Variants in STPG2 observed in about 807,000 individuals in gnomAD.
The protein encoded by STPG2 is sperm tail PG-rich repeat containing 2.
STPG2 carries 56 observed loss-of-function variants against 54.2 expected under a neutral mutation model. The ratio of observed to expected loss-of-function variants is 1.03; its 90% confidence interval spans 0.83 to 1.29. The LOEUF (loss-of-function observed/expected upper bound fraction) is 1.29. Ranked by LOEUF, STPG2 falls within the 50% of genes most tolerant of loss-of-function variation. STPG2 has a pLI of 0.00. For missense variants in STPG2, 596 were observed against 544.9 expected, an observed-to-expected ratio of 1.09 and a Z score of -0.93; for synonymous variants, 200 against 181.8, an observed-to-expected ratio of 1.10 and a Z score of -0.81.
At chr4:98,090,426 A>G (rs1738650838) in intron 5 of STPG2, among the ~76,000 whole-genome samples, 1 of 152,060 alleles carries the variant, frequency 6.6e-6, no homozygotes, top group African/African-American at 2.4e-5. Flanking sequence ...CTATTTTTAT[A>G]CTGGTACCAT....
chr4:97,892,487 C>T (rs992648102), intron 8 of STPG2, among the ~76,000 whole-genome samples: 1 of 152,066 alleles, frequency 6.6e-6, no homozygotes, highest in African/African-American at 2.4e-5. Flanking sequence ...TTATCACTTC[C>T]CTAATCTCCA....
At chr4:97,821,595 C>G (rs1728093374) in intron 9 of STPG2, among the ~76,000 whole-genome samples, 1 of 152,246 alleles carries the variant, frequency 6.6e-6, no homozygotes, top group Non-Finnish European at 1.5e-5. Context: ...TGTGAGGGCT[C>G]CACCCTTATA....
At chr4:98,020,408 G>T (rs1456450269) in intron 5 of STPG2, among the ~76,000 whole-genome samples, 1 of 146,424 alleles carries the variant, frequency 6.8e-6, no homozygotes. Context: ...TGTGCTGCTG[G>T]ATTCGGTTTG....
intron 5 of STPG2, among the ~76,000 whole-genome samples, chr4:98,091,898 T>C (rs75701709): frequency 0.012 from 1,782 of 152,116 alleles, 29 homozygotes; most frequent in African/African-American, 0.041. Context: ...ACACCTAGTA[T>C]GTGATGGAGC....
rs1309706017 is a variant in STPG2 at position 97,880,021 on chromosome 4, C to T, written c.1045-39089G>A. ...TGCCCATGCTTTTTGCAGCATTATT[C>T]ACAATAGCTAAATTATGGACCCAAC... On this transcript the variant is annotated intron_variant, in intron 8 of 10. Transcript: ENST00000295268. Among the ~76,000 whole-genome samples, 3 of 152,198 alleles carry T rather than the reference C, an allele frequency of 2.0e-5. No individual in the cohort carries two copies. In the East Asian group the frequency reaches 5.8e-4, roughly 29 times the overall value.
intron 8 of STPG2, among the ~76,000 whole-genome samples, chr4:97,922,605 G>A (rs1220446275): frequency 6.6e-6 from 1 of 152,218 alleles, no homozygotes; most frequent in African/African-American, 2.4e-5. Context: ...GGGGTGAAAT[G>A]TATGAAATTT....
intron 10 of STPG2, among the ~76,000 whole-genome samples, chr4:97,598,579 A>G (rs892490768): frequency 3.9e-5 from 6 of 151,934 alleles, no homozygotes; most frequent in African/African-American, 1.2e-4. Context: ...ACAGACATAT[A>G]GAACAATGGA....
chr4:97,620,019 T>C (rs1052135568), intron 10 of STPG2, among the ~76,000 whole-genome samples: 7 of 151,808 alleles, frequency 4.6e-5, no homozygotes, highest in Admixed American at 1.3e-4. Flanking sequence ...AGAGACGGGG[T>C]TTCACCGTGT....
intron 10 of STPG2, among the ~76,000 whole-genome samples, chr4:97,676,756 C>T (rs1419207021): frequency 6.6e-6 from 1 of 152,112 alleles, no homozygotes; most frequent in Admixed American, 6.6e-5. Flanking sequence ...GATGTATTCT[C>T]AATGGTTTCT....
intron 10 of STPG2, among the ~76,000 whole-genome samples, chr4:97,577,464 C>T (rs550554587): frequency 4.6e-5 from 7 of 152,220 alleles, no homozygotes; most frequent in Non-Finnish European, 8.8e-5. Context: ...GGCCAATATC[C>T]TAAATGAATT....
intron 8 of STPG2, among the ~76,000 whole-genome samples, chr4:97,933,451 A>C (rs1036831092): frequency 2.0e-5 from 3 of 152,144 alleles, no homozygotes; most frequent in African/African-American, 7.2e-5. Flanking sequence ...GCCTATGTCC[A>C]GAATGTTATT....
At position 97,895,542 on chromosome 4, in the gene STPG2, C is replaced by CT. The variant is rs1006575082; in HGVS notation, c.1044+48354dup. 5.5e-4 allele frequency among the ~76,000 whole-genome samples: 83 copies of CT among 151,526 alleles called. No homozygotes were observed. The East Asian group carries it at 8.3e-3, about 15-fold the overall frequency. ...TCATAGCAATGGTTTGCATGATTCC[C>CT]TTTTTTTTCCAATTTTGCTAACAAA... is the stretch of plus-strand genomic sequence containing the variant. On this transcript the variant is annotated intron_variant, in intron 8 of 10. Transcript: ENST00000295268.
chr4:97,555,287 A>T (rs1407626524), downstream of STPG2, among the ~76,000 whole-genome samples: 3 of 152,166 alleles, frequency 2.0e-5, no homozygotes, highest in Non-Finnish European at 4.4e-5. Flanking sequence ...TCCCATGTAT[A>T]CAGGAAGTAT....
chr4:97,943,839 G>A (rs1733094532), intron 8 of STPG2, 58 bp downstream of exon 8: 2 of 1,312,984 alleles, frequency 1.5e-6, no homozygotes, highest in African/African-American at 1.5e-5. Flanking sequence ...TTTATGTTAT[G>A]CAGCCTCCTC....
chr4:97,961,474 A>G (rs1219215896), intron 7 of STPG2, among the ~76,000 whole-genome samples: 1 of 152,222 alleles, frequency 6.6e-6, no homozygotes, highest in Admixed American at 6.5e-5. Context: ...CAAAGGACTA[A>G]TATCCAGAAT....
rs184808531 is a variant in STPG2 at position 97,734,868 on chromosome 4, C to T, written c.1205-22054G>A. On this transcript the variant is annotated intron_variant, in intron 9 of 10. Coordinates refer to ENST00000295268, the MANE Select transcript of STPG2 (RefSeq NM_174952.3). Reference sequence around the variant, plus strand: ...CAGGTGGATCACAAGGTCAGCAGATCGAGACCATCCTGGCTAACATGGTGA... The same window carrying T: ...CAGGTGGATCACAAGGTCAGCAGATTGAGACCATCCTGGCTAACATGGTGA... Among the ~76,000 whole-genome samples the T allele has an allele frequency of 5.9e-3, 893 of 151,982 alleles. 5 individuals are homozygous for T. The highest frequency in any genetic ancestry group is 0.02 in the Middle Eastern group (6 of 294).
intron 9 of STPG2, among the ~76,000 whole-genome samples, chr4:97,837,678 CTTCT>C (rs1156464429): frequency 6.6e-6 from 1 of 151,552 alleles, no homozygotes; most frequent in Admixed American, 6.6e-5. Flanking sequence ...GTACTATTTC[CTTCT>C]TTAATTTAGA....
At chr4:97,565,432 C>A (rs187112154) in intron 10 of STPG2, among the ~76,000 whole-genome samples, 1 of 152,340 alleles carries the variant, frequency 6.6e-6, no homozygotes, top group African/African-American at 2.4e-5. Context: ...CTTCTCTCAA[C>A]TCGTCAAAGT....
At chr4:97,585,638 T>C (rs1732978274) in intron 10 of STPG2, among the ~76,000 whole-genome samples, 1 of 151,956 alleles carries the variant, frequency 6.6e-6, no homozygotes. Flanking sequence ...TGTTTTCATA[T>C]GTTTTAGGTT....
Sources: gnomAD v4.1 joint callset for allele counts (sites outside exome capture counted in the v4.1 genomes callset) on GRCh38, gnomAD v4.1.1 for gene constraint, MANE v1.5 for transcripts, NCBI Gene and HGNC (gene_info 2026-07-23, HGNC 2026-07-21) for gene names.